SLC25A30: variants seen among roughly 807,000 people sequenced by gnomAD.
SLC25A30 encodes kidney mitochondrial carrier protein 1.
A neutral mutation model predicts 42.7 loss-of-function variants in SLC25A30; 29 were observed. That is an observed-to-expected ratio of 0.68 (90% confidence interval 0.51 to 0.93). The LOEUF (loss-of-function observed/expected upper bound fraction) is 0.93, where lower values mean the gene tolerates loss of function less well. Ranked by LOEUF, SLC25A30 falls within the 40% of genes least tolerant of loss-of-function variation. SLC25A30 has a pLI of 0.00. For missense variants in SLC25A30, 300 were observed against 359.7 expected (o/e 0.83, Z 1.34); for synonymous variants, 124 against 131.0 (o/e 0.95, Z 0.37).
chr13:45,425,268 G>T, the SLC25A30 span, among the ~76,000 whole-genome samples: 2 of 97,516 alleles, frequency 2.1e-5, no homozygotes, highest in South Asian at 2.9e-4. Context: ...GTATATATAC[G>T]TATACATATA....
rs1375583582 is a variant in SLC25A30 at position 45,409,083 on chromosome 13, TTAAAAAGAAATTCACTTAA to T, written c.65-28_65-10del. 6.3e-7 allele frequency: 1 copy of T among 1,585,146 alleles called. No individual in the cohort carries two copies. Among genetic ancestry groups the T allele is most frequent in the East Asian group, 2.2e-5 (1 of 44,476 alleles). ...ATCAATTGGAAATGTACCTTAAAAT[TTAAAAAGAAATTCACTTAA>T]TAAAAAGAAATTCCACTAAATAAAG... On this transcript the variant is annotated splice_polypyrimidine_tract_variant and intron_variant, in intron 2 of 9. Transcript: ENST00000519676.
intron 9 of SLC25A30, chr13:45,396,332 G>A: frequency 1.7e-6 from 2 of 1,186,040 alleles, no homozygotes; most frequent in South Asian, 4.6e-5. Context: ...TTGAGAGAGA[G>A]AGAGAGAGAG....
chr13:45,407,131 C>T (rs1230784467), intron 3 of SLC25A30, among the ~76,000 whole-genome samples: 3 of 152,284 alleles, frequency 2.0e-5, no homozygotes, highest in East Asian at 1.9e-4. Flanking sequence ...GACACGGTGG[C>T]TCACACCTGT....
At chr13:45,414,415 C>G (rs1883310403) in intron 1 of SLC25A30, among the ~76,000 whole-genome samples, 2 of 152,060 alleles carry the variant, frequency 1.3e-5, no homozygotes, top group South Asian at 4.2e-4. Context: ...GTCAGGAGTT[C>G]AAGACCACCT....
chr13:45,425,478 A>C, the SLC25A30 span, among the ~76,000 whole-genome samples: 1 of 55,352 alleles, frequency 1.8e-5, no homozygotes, highest in East Asian at 2.8e-4. Context: ...ATATATAAGC[A>C]TATATAAATA....
At chr13:45,428,264 A>G in the SLC25A30 span, among the ~76,000 whole-genome samples, 3 of 150,456 alleles carry the variant, frequency 2.0e-5, no homozygotes, top group Admixed American at 1.3e-4. Context: ...CCAGGAGTGC[A>G]GTGGTGCAAT....
upstream of SLC25A30, among the ~76,000 whole-genome samples, chr13:45,422,424 G>C (rs1465752051): frequency 6.6e-6 from 1 of 152,136 alleles, no homozygotes; most frequent in Non-Finnish European, 1.5e-5. Context: ...CTACTCCTAA[G>C]AAGAACACCT....
chr13:45,423,723 T>C, the SLC25A30 span, among the ~76,000 whole-genome samples: 211 of 12,136 alleles, frequency 0.017, 20 homozygotes, highest in African/African-American at 0.021. Context: ...CATATATAAA[T>C]ATATATAAAT....
intron 9 of SLC25A30, 116 bp downstream of exon 9, chr13:45,397,142 G>T: frequency 1.4e-6 from 1 of 739,320 alleles, no homozygotes; most frequent in South Asian, 1.7e-5. Context: ...TAGCATCAGA[G>T]GAACTCAAAA....
At chr13:45,419,130 TAAAAAAAAA>T (rs374462224), upstream of SLC25A30, among the ~76,000 whole-genome samples, 2 of 90,540 alleles carry the variant, frequency 2.2e-5, no homozygotes, top group Non-Finnish European at 2.0e-5. Flanking sequence ...TACTCCCTCT[TAAAAAAAAA>T]AAAAAAAAAA....
intron 4 of SLC25A30, among the ~76,000 whole-genome samples, chr13:45,405,312 C>T (rs1233131401): frequency 8.5e-5 from 13 of 152,174 alleles, no homozygotes; most frequent in Non-Finnish European, 7.3e-5. Context: ...GATAACATGA[C>T]GACTTATTTG....
intron 8 of SLC25A30, 53 bp from the exon 9 acceptor site, chr13:45,397,391 G>A: frequency 2.3e-6 from 3 of 1,330,410 alleles, no homozygotes; most frequent in Non-Finnish European, 2.1e-6. Flanking sequence ...TATGCCAAAT[G>A]CATTAATAAT....
chr13:45,408,331 A>T (rs886552879), intron 3 of SLC25A30, among the ~76,000 whole-genome samples: 1 of 152,144 alleles, frequency 6.6e-6, no homozygotes, highest in Non-Finnish European at 1.5e-5. Context: ...TCTCATTTTT[A>T]AAATATTGGC....
At chr13:45,419,876 G>A (rs1289239971), upstream of SLC25A30, among the ~76,000 whole-genome samples, 1 of 151,886 alleles carries the variant, frequency 6.6e-6, no homozygotes, top group Non-Finnish European at 1.5e-5. Flanking sequence ...GTTGAGGTGA[G>A]CCGAGATCAC....
intron 7 of SLC25A30, among the ~76,000 whole-genome samples, chr13:45,400,871 C>T (rs549744180): frequency 6.6e-6 from 1 of 152,146 alleles, no homozygotes; most frequent in South Asian, 2.1e-4. Flanking sequence ...TCATATAATA[C>T]ACTTTTGTAG....
chr13:45,397,504 A>G, intron 8 of SLC25A30, 166 bp from the exon 9 acceptor site: 1 of 523,304 alleles, frequency 1.9e-6, no homozygotes, highest in Non-Finnish European at 3.4e-6. Context: ...CATCCTGGCT[A>G]ATGCAGTGAA....
In SLC25A30 at chr13:45,394,081, A is replaced by G. The variant is rs1881140237; in HGVS notation, c.*1893T>C. On this transcript the variant is annotated 3_prime_UTR_variant, in exon 10 of 10. Transcript: ENST00000519676. ...TCTATAGAAAGTCTTTATAAAATCA[A>G]TGGAATGTTTTGGAAAGAAGAAAAA... 2 of 985,410 alleles carry G rather than the reference A, an allele frequency of 2.0e-6. No individual in the cohort carries two copies. The highest frequency in any genetic ancestry group is 2.4e-6 in the Non-Finnish European group (2 of 829,902). 61.0% of individuals were successfully genotyped at this position (985,410 alleles called of 1,614,324 possible).
At chr13:45,424,591 ATATATAAATATATATAAAT>A in the SLC25A30 span, among the ~76,000 whole-genome samples, 2 of 64,148 alleles carry the variant, frequency 3.1e-5, 1 homozygote, top group Non-Finnish European at 5.6e-5. Context: ...ATATATAAAT[ATATATAAATATATATAAAT>A]ATATATAAAT....
the SLC25A30 span, among the ~76,000 whole-genome samples, chr13:45,425,078 A>AAG: frequency 5.7e-5 from 2 of 34,840 alleles, 1 homozygote; most frequent in Non-Finnish European, 1.1e-4. Flanking sequence ...ATACATATAT[A>AAG]TAAATATATA....
Sources: gnomAD v4.1 joint callset for allele counts (sites outside exome capture counted in the v4.1 genomes callset) on GRCh38, gnomAD v4.1.1 for gene constraint, MANE v1.5 for transcripts, NCBI Gene and HGNC (gene_info 2026-07-23, HGNC 2026-07-21) for gene names.